Variants in ROBO2 observed in about 807,000 individuals in gnomAD.
The protein encoded by ROBO2 is roundabout guidance receptor 2, also known as roundabout homolog 2.
ROBO2 carries 53 observed loss-of-function variants against 160.8 expected under a neutral mutation model. The observed-to-expected ratio is 0.33, with a 90% CI of 0.26 to 0.41. The LOEUF (loss-of-function observed/expected upper bound fraction) is 0.41, where lower values mean the gene tolerates loss of function less well. Ranked by LOEUF, ROBO2 falls within the 10% of genes least tolerant of loss-of-function variation. The pLI is 1.00. For missense variants in ROBO2, 1,577 were observed against 1,722.4 expected, an observed-to-expected ratio of 0.92 and a Z score of 1.49; for synonymous variants, 664 against 611.7, an observed-to-expected ratio of 1.09 and a Z score of -1.26.
At chr3:76,244,388 A>G (rs1260601245) in intron 2 of ROBO2, among the ~76,000 whole-genome samples, 1 of 152,120 alleles carries the variant, frequency 6.6e-6, no homozygotes, top group Non-Finnish European at 1.5e-5. Context: ...TTTCCAACCA[A>G]CTTCCTGTTG....
intron 2 of ROBO2, among the ~76,000 whole-genome samples, chr3:76,509,333 C>A (rs529131675): frequency 1.3e-5 from 2 of 152,048 alleles, no homozygotes; most frequent in Non-Finnish European, 2.9e-5. Context: ...CCTGGTGGAG[C>A]AGAGCCAGAG....
rs1378124303 is a variant in ROBO2 at position 76,622,237 on chromosome 3, A to AG, written c.110-475776dup. On this transcript the variant is annotated intron_variant, in intron 2 of 26. Coordinates refer to the ROBO2 transcript ENST00000487694. ...AAGGAAGGAAGGAAGGAAGGAAGGA[A>AG]GAAAGAAAGAAAGAAAGAAAGAAAG... Among the ~76,000 whole-genome samples the AG allele has an allele frequency of 5.1e-3, 203 of 40,022 alleles. 3 individuals carry two copies. Among genetic ancestry groups the AG allele is most frequent in the African/African-American group, 9.4e-3 (80 of 8,506 alleles). The allele number at this position is 40,022 out of a possible 152,430, so 26.3% of individuals were successfully genotyped here. A position where few individuals can be genotyped will look rare whatever the true frequency, so the allele number is the denominator to read the frequency against.
intron 2 of ROBO2, among the ~76,000 whole-genome samples, chr3:76,746,711 A>G (rs1219125675): frequency 6.6e-6 from 1 of 152,096 alleles, no homozygotes; most frequent in African/African-American, 2.4e-5. Context: ...ACACAGGTAA[A>G]CGTGTGCCAC....
intron 2 of ROBO2, among the ~76,000 whole-genome samples, chr3:76,665,587 C>T (rs889886950): frequency 6.6e-6 from 1 of 150,400 alleles, no homozygotes; most frequent in Non-Finnish European, 1.5e-5. Context: ...CCAATAAATA[C>T]ATTCAGCATA....
chr3:76,299,508 A>T (rs1191273403), intron 2 of ROBO2, among the ~76,000 whole-genome samples: 1 of 152,180 alleles, frequency 6.6e-6, no homozygotes, highest in African/African-American at 2.4e-5. Flanking sequence ...GGAGGAACAG[A>T]TCATAAAGAC....
At chr3:77,503,409 A>C (rs1454514545) in intron 5 of ROBO2, among the ~76,000 whole-genome samples, 1 of 151,198 alleles carries the variant, frequency 6.6e-6, no homozygotes, top group Non-Finnish European at 1.5e-5. Flanking sequence ...CTGTAGTCCC[A>C]GTTACTCGGG....
intron 2 of ROBO2, among the ~76,000 whole-genome samples, chr3:76,038,601 G>A (rs2067187455): frequency 6.6e-6 from 1 of 151,916 alleles, no homozygotes; most frequent in Admixed American, 6.5e-5. Context: ...GTGTCCCCAT[G>A]GGCTGAAGCT....
At chr3:77,607,889 C>A (rs765084555) in exon 21 of ROBO2, 4 of 1,613,760 alleles carry the variant, frequency 2.5e-6, no homozygotes, top group South Asian at 2.2e-5. Context: ...CTCTACCTCC[C>A]CCCCCAGTCC....
At chr3:77,432,664 C>G (rs919103540) in intron 2 of ROBO2, among the ~76,000 whole-genome samples, 2 of 152,148 alleles carry the variant, frequency 1.3e-5, no homozygotes, top group African/African-American at 4.8e-5. Context: ...CCACAAAGAC[C>G]TTTTGGTCCA....
At chr3:76,925,279 G>T (rs920995370) in intron 2 of ROBO2, among the ~76,000 whole-genome samples, 1 of 142,812 alleles carries the variant, frequency 7.0e-6, no homozygotes, top group Non-Finnish European at 1.5e-5. Context: ...TTGTTGGATA[G>T]ATAAATAAAT....
intron 1 of ROBO2, among the ~76,000 whole-genome samples, chr3:77,084,763 A>C (rs2069091671): frequency 6.6e-6 from 1 of 152,116 alleles, no homozygotes; most frequent in Non-Finnish European, 1.5e-5. Flanking sequence ...GACAGACTCA[A>C]GGAATTGAGA....
intron 2 of ROBO2, among the ~76,000 whole-genome samples, chr3:76,343,675 A>G (rs1345117593): frequency 6.6e-6 from 1 of 152,020 alleles, no homozygotes; most frequent in Non-Finnish European, 1.5e-5. Flanking sequence ...ATAAATCAGG[A>G]AATGGTATCA....
In ROBO2 at chr3:77,040,672, G is replaced by A. The variant is rs527835355; in HGVS notation, c.-114G>A. On this transcript the variant is annotated 5_prime_UTR_variant, in exon 1 of 26. An upstream open reading frame in the 5' UTR loses its in-frame stop. Coordinates refer to ENST00000461745, the Ensembl canonical transcript of ROBO2. Reference sequence around the variant, plus strand: ...GATTTGCTCTTCTTGACTTTAATTAGTATCTAGGAAAGTCTAAACTTTGGA... The same window carrying A: ...GATTTGCTCTTCTTGACTTTAATTAATATCTAGGAAAGTCTAAACTTTGGA... 7.0e-5 allele frequency: 111 copies of A among 1,591,458 alleles called. No individual in the cohort carries two copies. Among genetic ancestry groups the A allele is most frequent in the Middle Eastern group, 6.7e-4 (3 of 4,486 alleles).
intron 2 of ROBO2, among the ~76,000 whole-genome samples, chr3:76,620,671 T>C (rs2088994312): frequency 6.6e-6 from 1 of 152,188 alleles, no homozygotes; most frequent in African/African-American, 2.4e-5. Context: ...ATATAGTTTA[T>C]ATGTACATAT....
chr3:76,215,776 C>A (rs1017987048), intron 2 of ROBO2, among the ~76,000 whole-genome samples: 1 of 152,166 alleles, frequency 6.6e-6, no homozygotes, highest in East Asian at 1.9e-4. Context: ...TCTAGCAAGG[C>A]AGGCCAACAT....
chr3:77,059,176 A>G (rs149193818), intron 1 of ROBO2, among the ~76,000 whole-genome samples: 1 of 152,216 alleles, frequency 6.6e-6, no homozygotes, highest in East Asian at 1.9e-4. Context: ...GACTGGAGAT[A>G]GCTATGTGAA....
chr3:76,816,599 C>A (rs1228223492), intron 2 of ROBO2, among the ~76,000 whole-genome samples: 1 of 151,864 alleles, frequency 6.6e-6, no homozygotes, highest in African/African-American at 2.4e-5. Flanking sequence ...TAATGCCAAC[C>A]ATTAGCCTAT....
rs140741510 is a variant in ROBO2 at position 76,598,647 on chromosome 3, G to A, written c.110-499367G>A. 3.3e-4 allele frequency among the ~76,000 whole-genome samples: 50 copies of A among 152,152 alleles called. No homozygotes were observed. The East Asian group carries it at 3.7e-3, about 11-fold the overall frequency. On this transcript the variant is annotated intron_variant, in intron 2 of 26. Coordinates refer to the ROBO2 transcript ENST00000487694. ...ATCTCAGTAAAAATTTCAATTAAGCGTGTCAATCACTTGAAGATATTTTTT... is the reference window on the plus strand; with the variant it reads ...ATCTCAGTAAAAATTTCAATTAAGCATGTCAATCACTTGAAGATATTTTTT...
intron 2 of ROBO2, among the ~76,000 whole-genome samples, chr3:76,706,694 T>C (rs2107538000): frequency 6.6e-6 from 1 of 152,256 alleles, no homozygotes; most frequent in East Asian, 1.9e-4. Flanking sequence ...TTTGGAAACA[T>C]TGTAGAATAT....
Sources: allele counts gnomAD v4.1 joint callset (sites outside exome capture counted in the v4.1 genomes callset), GRCh38; gene constraint gnomAD v4.1.1; transcripts MANE v1.5; gene names NCBI Gene and HGNC (gene_info 2026-07-23, HGNC 2026-07-21).